The following KCNMB2 variants were observed in gnomAD, a reference collection of about 807,000 sequenced individuals.
KCNMB2 encodes potassium calcium-activated channel subfamily M regulatory beta subunit 2.
KCNMB2 carries 9 observed loss-of-function variants against 24.5 expected under a neutral mutation model. That is an observed-to-expected ratio of 0.37 (90% confidence interval 0.22 to 0.64). The LOEUF (loss-of-function observed/expected upper bound fraction) is 0.64. KCNMB2 is among the 30% of genes least tolerant of loss of function. KCNMB2 has a pLI of 0.63. For synonymous variants in KCNMB2, 109 were observed against 104.4 expected, an observed-to-expected ratio of 1.04 and a Z score of -0.27; for missense variants, 226 against 284.3, an observed-to-expected ratio of 0.79 and a Z score of 1.47.
intron 1 of KCNMB2, among the ~76,000 whole-genome samples, chr3:178,648,953 T>A (rs1182635971): frequency 1.3e-5 from 2 of 152,236 alleles, no homozygotes; most frequent in Non-Finnish European, 1.5e-5. Context: ...ACTTCTCTAA[T>A]AAGTGTGATG....
chr3:178,719,871 A>G (rs1174054843), intron 1 of KCNMB2, among the ~76,000 whole-genome samples: 1 of 152,138 alleles, frequency 6.6e-6, no homozygotes, highest in Non-Finnish European at 1.5e-5. Context: ...CTGTATTCAA[A>G]TCTCTGCCGT....
rs112949818 is a variant in KCNMB2, at chr3:178,597,161, C to G, written c.-68+60450C>G. ...GGGAGAAATTTAATTCACACCCTGA[C>G]ATTCTTATGCCTCTTTTCTATAATG... On this transcript the variant is annotated intron_variant, in intron 1 of 4. Coordinates refer to ENST00000452583, the MANE Select transcript of KCNMB2 (RefSeq NM_181361.3). 2.8e-3 allele frequency among the ~76,000 whole-genome samples: 426 copies of G among 152,252 alleles called. 2 individuals are homozygous for G. The highest frequency in any genetic ancestry group is 9.6e-3 in the African/African-American group (397 of 41,528).
At chr3:178,777,463 G>C (rs1712630633) in intron 1 of KCNMB2, among the ~76,000 whole-genome samples, 1 of 152,134 alleles carries the variant, frequency 6.6e-6, no homozygotes, top group South Asian at 2.1e-4. Context: ...ATGTTGGCAA[G>C]ACATTACATG....
At chr3:178,672,089 A>G (rs1293078311) in intron 1 of KCNMB2, among the ~76,000 whole-genome samples, 1 of 152,280 alleles carries the variant, frequency 6.6e-6, no homozygotes, top group East Asian at 1.9e-4. Context: ...TCTCTGAAGG[A>G]CTGTAGCACA....
At chr3:178,837,873 T>C (rs1467063077) in intron 4 of KCNMB2, among the ~76,000 whole-genome samples, 1 of 152,136 alleles carries the variant, frequency 6.6e-6, no homozygotes, top group Non-Finnish European at 1.5e-5. Flanking sequence ...AATGTTTCTT[T>C]AAAAATCTAT....
chr3:178,602,740 T>C (rs575139578), intron 1 of KCNMB2, among the ~76,000 whole-genome samples: 1 of 152,110 alleles, frequency 6.6e-6, no homozygotes, highest in East Asian at 1.9e-4. Flanking sequence ...AGTGAGTGGG[T>C]TGACGTTGGT....
chr3:178,558,498 A>G (rs1716202328), intron 1 of KCNMB2, among the ~76,000 whole-genome samples: 1 of 152,178 alleles, frequency 6.6e-6, no homozygotes, highest in African/African-American at 2.4e-5. Flanking sequence ...TTCAGAATTA[A>G]GCCTCTCTCA....
chr3:178,724,278 CAT>C (rs759356540), intron 1 of KCNMB2, among the ~76,000 whole-genome samples: 146 of 152,016 alleles, frequency 9.6e-4, no homozygotes, highest in Middle Eastern at 3.4e-3. Context: ...CATTTTTTCA[CAT>C]GTTTGTCGGC....
At chr3:178,716,963 A>G (rs1722637891) in intron 1 of KCNMB2, among the ~76,000 whole-genome samples, 1 of 152,016 alleles carries the variant, frequency 6.6e-6, no homozygotes, top group Admixed American at 6.6e-5. Flanking sequence ...TGCTTAAAAA[A>G]CATAAAGCCC....
At chr3:178,644,504 A>T (rs1333975541) in intron 1 of KCNMB2, among the ~76,000 whole-genome samples, 2 of 152,138 alleles carry the variant, frequency 1.3e-5, no homozygotes, top group African/African-American at 4.8e-5. Flanking sequence ...GACACCTGGA[A>T]CTCCACCTGC....
intron 1 of KCNMB2, among the ~76,000 whole-genome samples, chr3:178,643,167 T>A (rs1036221211): frequency 1.3e-5 from 2 of 152,220 alleles, no homozygotes; most frequent in Non-Finnish European, 2.9e-5. Context: ...AAGGATTGAT[T>A]CTTAGTGATT....
chr3:178,551,861 G>A (rs1355523302), intron 1 of KCNMB2, among the ~76,000 whole-genome samples: 1 of 152,162 alleles, frequency 6.6e-6, no homozygotes. Flanking sequence ...GCTGAAGCCT[G>A]CCAGACTGAC....
chr3:178,747,734 G>T (rs529969802), intron 1 of KCNMB2, among the ~76,000 whole-genome samples: 2 of 152,246 alleles, frequency 1.3e-5, no homozygotes, highest in East Asian at 3.9e-4. Flanking sequence ...TGATTGAAAT[G>T]ATCCTAACTT....
chr3:178,719,072 G>C (rs1722713495), intron 1 of KCNMB2, among the ~76,000 whole-genome samples: 1 of 152,224 alleles, frequency 6.6e-6, no homozygotes, highest in Non-Finnish European at 1.5e-5. Flanking sequence ...CACTGCATCA[G>C]TCTGGATCTA....
rs1457034685 is a variant in KCNMB2 at position 178,630,650 on chromosome 3, AGGAGGTGAGAG to A, written c.-68+93942_-68+93952del. On this transcript the variant is annotated intron_variant, in intron 1 of 4. Transcript: ENST00000452583. ...TTCTAGTTTATAGTAAATTAATTCA[AGGAGGTGAGAG>A]GGCAACAGATACCATGCCATTCCCT... Among the ~76,000 whole-genome samples the A allele has an allele frequency of 2.0e-5, 3 of 152,246 alleles. No homozygotes were observed. The East Asian group carries it at 5.8e-4, about 29-fold the overall frequency.
At chr3:178,763,714 G>C (rs1712005434) in intron 1 of KCNMB2, among the ~76,000 whole-genome samples, 1 of 152,100 alleles carries the variant, frequency 6.6e-6, no homozygotes, top group Non-Finnish European at 1.5e-5. Flanking sequence ...TTGATACTCA[G>C]CAATTTCTTG....
chr3:178,568,846 TAGATAGATGATA>T (rs774439440), intron 1 of KCNMB2, among the ~76,000 whole-genome samples: 1,913 of 120,406 alleles, frequency 0.016, 59 homozygotes, highest in Admixed American at 0.041. Flanking sequence ...GATAGATAGA[TAGATAGATGATA>T]GATAGATAGA....
rs149936074 is a variant in KCNMB2, at chr3:178,834,925, C to T, written c.423+6552C>T. On this transcript the variant is annotated intron_variant, in intron 4 of 4. Transcript: ENST00000452583. ...TCAAGAAGAAAAGCGGGGGAAGGAA[C>T]CTAGTGCTTTTCAATTGCCAAGACA... is the stretch of plus-strand genomic sequence containing the variant. Among the ~76,000 whole-genome samples the T allele has an allele frequency of 5.9e-5, 9 of 151,840 alleles. No homozygotes were observed. The East Asian group carries it at 1.7e-3, about 30-fold the overall frequency.
intron 1 of KCNMB2, among the ~76,000 whole-genome samples, chr3:178,670,421 C>CTA (rs1720862339): frequency 7.8e-6 from 1 of 128,960 alleles, no homozygotes; most frequent in Non-Finnish European, 1.6e-5. Context: ...AACTGGGAGA[C>CTA]TCTAGAATGT....
Sources: gnomAD v4.1 joint callset for allele counts (sites outside exome capture counted in the v4.1 genomes callset) on GRCh38, gnomAD v4.1.1 for gene constraint, MANE v1.5 for transcripts, NCBI Gene and HGNC (gene_info 2026-07-23, HGNC 2026-07-21) for gene names.